HORMAD2: variants seen among roughly 807,000 people sequenced by gnomAD.
The protein encoded by HORMAD2 is HORMA domain-containing protein 2.
A neutral mutation model predicts 38.8 loss-of-function variants in HORMAD2; 45 were observed. That is an observed-to-expected ratio of 1.16 (90% CI 0.91 to 1.49). HORMAD2 has a LOEUF of 1.49. HORMAD2 is among the 40% of genes most tolerant of loss of function. The pLI, the probability that HORMAD2 is intolerant of heterozygous loss-of-function variation, is 0.00. For missense variants in HORMAD2, 338 were observed against 367.0 expected (o/e 0.92, Z 0.65); for synonymous variants, 126 against 122.8 (o/e 1.03, Z -0.17).
intron 2 of HORMAD2, among the ~76,000 whole-genome samples, chr22:30,097,695 A>G (rs907505721): frequency 9.2e-5 from 14 of 152,164 alleles, no homozygotes; most frequent in African/African-American, 3.4e-4. Context: ...AAACAAGAAT[A>G]AGATTTTGAC....
In HORMAD2 at chr22:30,080,480, C is replaced by G. The variant is rs377752395; in HGVS notation, c.-49C>G. The G allele has an allele frequency of 6.6e-6, 1 of 152,334 alleles. No homozygotes were observed. Among genetic ancestry groups the G allele is most frequent in the Non-Finnish European group, 1.5e-5 (1 of 68,064 alleles). The allele number at this position is 152,334 out of a possible 1,614,324, so 9.4% of individuals were successfully genotyped here. A position where few individuals can be genotyped will look rare whatever the true frequency, so the allele number is the denominator to read the frequency against. On this transcript the variant is annotated 5_prime_UTR_variant, in exon 1 of 11. Coordinates refer to ENST00000336726, the MANE Select transcript of HORMAD2 (RefSeq NM_152510.4). ...TTGACCCCCGGTGGGAGGGAAGCGT[C>G]GACGAGCTGAGGTGAGGGCTGTTGA...
At chr22:30,203,157 G>A in the HORMAD2 span, among the ~76,000 whole-genome samples, 3 of 152,218 alleles carry the variant, frequency 2.0e-5, no homozygotes, top group Admixed American at 1.3e-4. Flanking sequence ...CACTTTGGGA[G>A]GCCGAGGCGG....
At chr22:30,183,448 C>T in the HORMAD2 span, among the ~76,000 whole-genome samples, 3 of 152,188 alleles carry the variant, frequency 2.0e-5, no homozygotes, top group Non-Finnish European at 4.4e-5. Flanking sequence ...GGTGGGACCT[C>T]CACTCAGCAG....
chr22:30,190,796 A>T, the HORMAD2 span, among the ~76,000 whole-genome samples: 1 of 152,240 alleles, frequency 6.6e-6, no homozygotes, highest in Non-Finnish European at 1.5e-5. Flanking sequence ...GGATGGACAC[A>T]TTTAAAGAGA....
At position 30,112,538 on chromosome 22, in the gene HORMAD2, A is replaced by C; in HGVS notation, c.342+16A>C. On this transcript the variant is annotated intron_variant, in intron 7 of 10. Transcript: ENST00000336726. Reference sequence around the variant, plus strand: ...GGGATCTGAGGTAAGAACACACACAAACGTATAGGTGGGTAGTATATGTAT... The same window carrying C: ...GGGATCTGAGGTAAGAACACACACACACGTATAGGTGGGTAGTATATGTAT... 8.0e-7 allele frequency: 1 copy of C among 1,244,700 alleles called. No homozygotes were observed. The highest frequency in any genetic ancestry group is 1.1e-6 in the Non-Finnish European group (1 of 920,592). 77.1% of individuals were successfully genotyped at this position (1,244,700 alleles called of 1,614,324 possible).
intron 7 of HORMAD2, among the ~76,000 whole-genome samples, chr22:30,114,966 T>G (rs1383653418): frequency 6.6e-6 from 1 of 152,176 alleles, no homozygotes; most frequent in African/African-American, 2.4e-5. Flanking sequence ...TAGCAAGTAT[T>G]AGTAAAACAT....
chr22:30,177,078 T>C (rs1200084442), downstream of HORMAD2: 5 of 151,688 alleles, frequency 3.3e-5, no homozygotes, highest in Admixed American at 3.3e-4. Context: ...ATACAAGACT[T>C]TTTTTTTTGC....
chr22:30,183,098 A>T, the HORMAD2 span, among the ~76,000 whole-genome samples: 1 of 152,204 alleles, frequency 6.6e-6, no homozygotes, highest in Non-Finnish European at 1.5e-5. Flanking sequence ...AGGCATGATT[A>T]TTGAAGTAGC....
chr22:30,106,897 CAT>C (rs1337777226), intron 5 of HORMAD2, among the ~76,000 whole-genome samples: 1 of 152,218 alleles, frequency 6.6e-6, no homozygotes. Flanking sequence ...TGTTAAAACA[CAT>C]GTTGTGAAGC....
downstream of HORMAD2, among the ~76,000 whole-genome samples, chr22:30,181,705 G>A (rs1233683718): frequency 6.6e-6 from 1 of 152,216 alleles, no homozygotes; most frequent in Non-Finnish European, 1.5e-5. Context: ...TTGTTCCAAA[G>A]CGTAGAACAT....
At position 30,085,019 on chromosome 22, in the gene HORMAD2, G is replaced by A. The variant is rs1395867295; in HGVS notation, c.-38+4528G>A. Among the ~76,000 whole-genome samples the A allele has an allele frequency of 2.6e-5, 4 of 151,890 alleles. No homozygotes were observed. The South Asian group carries it at 6.2e-4, about 24-fold the overall frequency. Reference sequence around the variant, plus strand: ...AAATTAGCCAAGCATGGTGGCAGTCGCCTGTAGTCCCAGCTACTCGGGAGG... The same window carrying A: ...AAATTAGCCAAGCATGGTGGCAGTCACCTGTAGTCCCAGCTACTCGGGAGG... On this transcript the variant is annotated intron_variant, in intron 1 of 10. Coordinates refer to ENST00000336726, the MANE Select transcript of HORMAD2 (RefSeq NM_152510.4).
At chr22:30,171,548 C>T (rs1172532615) in intron 10 of HORMAD2, among the ~76,000 whole-genome samples, 1 of 152,154 alleles carries the variant, frequency 6.6e-6, no homozygotes, top group African/African-American at 2.4e-5. Flanking sequence ...TATCACCTGT[C>T]TACCACTATA....
chr22:30,078,300 G>A (rs1180052885), upstream of HORMAD2, among the ~76,000 whole-genome samples: 3 of 152,046 alleles, frequency 2.0e-5, no homozygotes, highest in Non-Finnish European at 4.4e-5. Flanking sequence ...AAACAAAACA[G>A]GTTATCAAAG....
chr22:30,198,578 G>A, the HORMAD2 span, among the ~76,000 whole-genome samples: 2 of 151,828 alleles, frequency 1.3e-5, no homozygotes, highest in Non-Finnish European at 2.9e-5. Flanking sequence ...AACTAGGCCA[G>A]CCCCTAATGC....
At chr22:30,081,110 T>C (rs1339273167) in intron 1 of HORMAD2, 1 of 152,222 alleles carries the variant, frequency 6.6e-6, no homozygotes, top group Non-Finnish European at 1.5e-5. Flanking sequence ...CCAAAATGTG[T>C]CCGAGTACGC....
At chr22:30,108,565 A>C (rs1921381383) in intron 5 of HORMAD2, among the ~76,000 whole-genome samples, 1 of 151,954 alleles carries the variant, frequency 6.6e-6, no homozygotes, top group African/African-American at 2.4e-5. Context: ...TAGGGAAGTA[A>C]ATACTTCCCT....
At chr22:30,092,699 C>T (rs986519164) in intron 1 of HORMAD2, among the ~76,000 whole-genome samples, 13 of 152,078 alleles carry the variant, frequency 8.5e-5, no homozygotes, top group Non-Finnish European at 1.8e-4. Context: ...TCTCATTCTT[C>T]TGCTGTGGAT....
chr22:30,083,003 T>C (rs555655740), intron 1 of HORMAD2, among the ~76,000 whole-genome samples: 1 of 151,934 alleles, frequency 6.6e-6, no homozygotes, highest in African/African-American at 2.4e-5. Context: ...TTGCAGTGGC[T>C]CACACTTATA....
the HORMAD2 span, among the ~76,000 whole-genome samples, chr22:30,197,328 G>A: frequency 6.6e-6 from 1 of 152,038 alleles, no homozygotes; most frequent in Non-Finnish European, 1.5e-5. Context: ...GAAAAAGTGG[G>A]TGACTAGCCC....
Sources: gnomAD v4.1 joint callset for allele counts (sites outside exome capture counted in the v4.1 genomes callset) on GRCh38, gnomAD v4.1.1 for gene constraint, MANE v1.5 for transcripts, NCBI Gene and HGNC (gene_info 2026-07-23, HGNC 2026-07-21) for gene names.